TMEM131L: variants seen among roughly 807,000 people sequenced by gnomAD.
The protein encoded by TMEM131L is transmembrane 131 like, also known as transmembrane protein 131-like.
TMEM131L carries 54 observed loss-of-function variants against 192.2 expected under a neutral mutation model. The ratio of observed to expected loss-of-function variants is 0.28; its 90% CI spans 0.23 to 0.35. TMEM131L has a LOEUF of 0.35. Among genes scored for constraint, TMEM131L ranks in the 10% least tolerant of loss-of-function variants. The probability of loss-of-function intolerance (pLI) is 1.00; values close to 1 mark genes in which losing one functional copy is unlikely to be tolerated. For missense variants in TMEM131L, 1,888 were observed against 1,972.9 expected (o/e 0.96, Z 0.82); for synonymous variants, 701 against 704.9 (o/e 0.99, Z 0.09).
chr4:153,597,175 C>T (rs7697047), intron 20 of TMEM131L, among the ~76,000 whole-genome samples: 1 of 151,722 alleles, frequency 6.6e-6, no homozygotes, highest in Non-Finnish European at 1.5e-5. Context: ...TAAAGTTCTT[C>T]AGAGTTTATT....
At chr4:153,635,778 A>G (rs1239025207) in intron 34 of TMEM131L, among the ~76,000 whole-genome samples, 1 of 152,228 alleles carries the variant, frequency 6.6e-6, no homozygotes, top group Admixed American at 6.5e-5. Context: ...TCTTGCAGAC[A>G]TTGACATTCT....
intron 16 of TMEM131L, among the ~76,000 whole-genome samples, chr4:153,590,490 T>C (rs1259331642): frequency 6.6e-6 from 1 of 152,256 alleles, no homozygotes; most frequent in Non-Finnish European, 1.5e-5. Context: ...CCTTGTGTAA[T>C]TAATAAATCT....
intron 7 of TMEM131L, among the ~76,000 whole-genome samples, chr4:153,564,040 G>A (rs540937562): frequency 6.6e-6 from 1 of 151,954 alleles, no homozygotes; most frequent in East Asian, 1.9e-4. Flanking sequence ...TGTAATCCCA[G>A]CACTTTGGGA....
chr4:153,560,367 T>C (rs1728771223), intron 7 of TMEM131L, among the ~76,000 whole-genome samples: 1 of 152,238 alleles, frequency 6.6e-6, no homozygotes, highest in African/African-American at 2.4e-5. Context: ...CCCTGCACTG[T>C]AGCCTACCTT....
At position 153,536,866 on chromosome 4, in the gene TMEM131L, T is replaced by G. The variant is rs570086663; in HGVS notation, c.240-13207T>G. Among the ~76,000 whole-genome samples, 20 of 152,248 alleles carry G rather than the reference T, an allele frequency of 1.3e-4. No homozygotes were observed. The East Asian group carries it at 3.5e-3, about 26-fold the overall frequency. The stretch of plus-strand genomic sequence containing the variant: ...GTCCGAGTCCCAAAGCTGAAGAACT[T>G]GGGAGTCTGATGTTCCAGGGCAGGA... On this transcript the variant is annotated intron_variant, in intron 3 of 34. Coordinates refer to ENST00000409959, the MANE Select transcript of TMEM131L (RefSeq NM_001131007.2).
At chr4:153,562,339 A>G (rs1481839248) in intron 7 of TMEM131L, among the ~76,000 whole-genome samples, 3 of 152,214 alleles carry the variant, frequency 2.0e-5, no homozygotes, top group African/African-American at 7.2e-5. Flanking sequence ...CCCAGCCTAA[A>G]GTATTTTTTA....
chr4:153,483,872 T>C (rs1046021803), intron 3 of TMEM131L, among the ~76,000 whole-genome samples: 2 of 152,158 alleles, frequency 1.3e-5, no homozygotes, highest in Non-Finnish European at 2.9e-5. Context: ...GCAGTGGACA[T>C]TGTGCTTCAG....
At chr4:153,594,215 A>G (rs1731269454) in intron 19 of TMEM131L, among the ~76,000 whole-genome samples, 1 of 148,760 alleles carries the variant, frequency 6.7e-6, no homozygotes. Context: ...TTAGGGCAAG[A>G]TAAGGAAAAA....
intron 2 of TMEM131L, among the ~76,000 whole-genome samples, chr4:153,469,867 A>G (rs1731029198): frequency 6.6e-6 from 1 of 152,156 alleles, no homozygotes; most frequent in Non-Finnish European, 1.5e-5. Flanking sequence ...CGGAGGTTAC[A>G]GTGAGCTGAG....
intron 14 of TMEM131L, among the ~76,000 whole-genome samples, chr4:153,586,649 A>G (rs1730718530): frequency 6.6e-6 from 1 of 152,198 alleles, no homozygotes. Context: ...ATTTTCATTT[A>G]TTTCCAAAAT....
chr4:153,591,066 G>A lies in TMEM131L; in HGVS notation c.1684G>A (p.Gly562Arg). The part of the protein sequence containing the change: ...NGDVCKRNVL[G>R]TTRFAHLKKS... ...TCAATTAAACAGGAGGAATGTTTTG[G>A]GAACAACTCGATTTGCTCACTTGAA... Residue 562 changes from glycine (G) to arginine (R), a missense_variant, in exon 17 of 35, where the codon GGA (glycine) becomes AGA (arginine). Transcript: ENST00000409959. The A allele has an allele frequency of 6.3e-7, 1 of 1,583,872 alleles. No individual in the cohort carries two copies. The highest frequency in any genetic ancestry group is 8.6e-7 in the Non-Finnish European group (1 of 1,163,522).
intron 26 of TMEM131L, among the ~76,000 whole-genome samples, chr4:153,617,195 C>T (rs141397871): frequency 2.3e-3 from 345 of 152,284 alleles, no homozygotes; most frequent in Non-Finnish European, 4.3e-3. Context: ...TTTCCCTGCA[C>T]AAGCTCCCTT....
At chr4:153,491,597 C>T (rs1171928435) in intron 3 of TMEM131L, among the ~76,000 whole-genome samples, 1 of 151,878 alleles carries the variant, frequency 6.6e-6, no homozygotes, top group Non-Finnish European at 1.5e-5. Flanking sequence ...AGTTGTACGT[C>T]TTATGCATTT....
intron 3 of TMEM131L, among the ~76,000 whole-genome samples, chr4:153,500,331 C>T (rs1024779606): frequency 6.6e-6 from 1 of 152,146 alleles, no homozygotes; most frequent in Non-Finnish European, 1.5e-5. Context: ...ATCTTGAACT[C>T]CTTGGGCTCG....
intron 3 of TMEM131L, among the ~76,000 whole-genome samples, chr4:153,478,493 A>G (rs1731705719): frequency 6.6e-6 from 1 of 152,174 alleles, no homozygotes; most frequent in Non-Finnish European, 1.5e-5. Flanking sequence ...CCCTAATGTT[A>G]ATGTCTTATA....
intron 3 of TMEM131L, among the ~76,000 whole-genome samples, chr4:153,543,742 C>CT (rs1205919923): frequency 2.0e-5 from 3 of 152,172 alleles, no homozygotes; most frequent in Admixed American, 6.5e-5. Flanking sequence ...TGGTGGTTGA[C>CT]TAAGTATCCC....
At chr4:153,504,427 G>A (rs71620264) in intron 3 of TMEM131L, among the ~76,000 whole-genome samples, 5,113 of 148,956 alleles carry the variant, frequency 0.034, 125 homozygotes, top group Non-Finnish European at 0.049. Context: ...TTATAGGTGC[G>A]CACTACCACG....
chr4:153,467,380 G>A (rs144844102), intron 2 of TMEM131L, 99 bp downstream of exon 2: 14 of 1,033,890 alleles, frequency 1.4e-5, no homozygotes, highest in Middle Eastern at 4.9e-4. Context: ...CGGCACAGGC[G>A]TTCGGGCCAC....
chr4:153,514,963 C>A (rs1313827728), intron 3 of TMEM131L, among the ~76,000 whole-genome samples: 1 of 152,096 alleles, frequency 6.6e-6, no homozygotes, highest in Admixed American at 6.6e-5. Flanking sequence ...AGGCGCCTGC[C>A]ACCACACTCG....
Sources: allele counts gnomAD v4.1 joint callset (sites outside exome capture counted in the v4.1 genomes callset), GRCh38; gene constraint gnomAD v4.1.1; transcripts MANE v1.5; gene names NCBI Gene and HGNC (gene_info 2026-07-23, HGNC 2026-07-21).